Variants in HCN2 observed in about 807,000 individuals in gnomAD.
The protein encoded by HCN2 is potassium/sodium hyperpolarization-activated cyclic nucleotide-gated channel 2.
In HCN2, 20 loss-of-function variants were observed where a neutral mutation model predicts 52.3. The observed-to-expected ratio is 0.38, with a 90% CI of 0.27 to 0.56. HCN2 has a LOEUF of 0.56. HCN2 is among the 20% of genes least tolerant of loss of function. HCN2 has a pLI of 0.71. For missense variants in HCN2, 981 were observed against 1,207.7 expected (o/e 0.81, Z 2.78); for synonymous variants, 694 against 537.0 (o/e 1.29, Z -4.04).
At chr19:614,856 G>A (rs1272296414) in intron 7 of HCN2, among the ~76,000 whole-genome samples, 3 of 152,178 alleles carry the variant, frequency 2.0e-5, no homozygotes, top group East Asian at 3.8e-4. Flanking sequence ...CCTGATGACT[G>A]GATGTAGGCG....
intron 7 of HCN2, among the ~76,000 whole-genome samples, chr19:614,475 G>A (rs776490497): frequency 2.6e-5 from 4 of 152,164 alleles, no homozygotes; most frequent in Admixed American, 6.5e-5. Context: ...AGGTGGGGCC[G>A]GTGGGCTTCC....
rs1221130140 is a variant in HCN2, at chr19:591,579, G to A, written c.632+1002G>A. 6.6e-6 allele frequency among the ~76,000 whole-genome samples: 1 copy of A among 152,120 alleles called. No individual in the cohort carries two copies. The highest frequency in any genetic ancestry group is 2.4e-5 in the African/African-American group (1 of 41,430). ...CGTGTGTGTTTGTGTATCCACGAGT[G>A]GGGTGTGAGGTGGGGTGTGGAGGGT... On this transcript the variant is annotated intron_variant, in intron 1 of 7. Coordinates refer to ENST00000251287, the MANE Select transcript of HCN2 (RefSeq NM_001194.4). The surrounding 1 kb of genome is among the most constrained non-coding windows in gnomAD (Gnocchi z 4.1).
intron 5 of HCN2, among the ~76,000 whole-genome samples, chr19:612,417 TGTGTGTGTGTGA>T (rs1983678384): frequency 1.5e-5 from 2 of 129,094 alleles, no homozygotes; most frequent in Admixed American, 8.0e-5. Flanking sequence ...TGTGTGTGTG[TGTGTGTGTGTGA>T]GAGAGAGATG....
intron 1 of HCN2, among the ~76,000 whole-genome samples, chr19:601,580 G>A (rs138161453): frequency 5.3e-5 from 8 of 150,852 alleles, no homozygotes; most frequent in African/African-American, 2.0e-4. Flanking sequence ...GTTGTCGTCC[G>A]CAATCAAGCT....
intron 1 of HCN2, among the ~76,000 whole-genome samples, chr19:595,141 G>T (rs1048414323): frequency 6.6e-6 from 1 of 152,110 alleles, no homozygotes; most frequent in African/African-American, 2.4e-5. Flanking sequence ...GGTTGAGGCT[G>T]CAGTGAGCTA....
chr19:599,462 G>A (rs1366191039), intron 1 of HCN2, among the ~76,000 whole-genome samples: 1 of 152,110 alleles, frequency 6.6e-6, no homozygotes, highest in Non-Finnish European at 1.5e-5. Flanking sequence ...GATAGGGAGG[G>A]GCTGGGCCTG....
intron 1 of HCN2, among the ~76,000 whole-genome samples, chr19:595,657 GTCA>G (rs1422699721): frequency 6.6e-6 from 1 of 152,216 alleles, no homozygotes; most frequent in Non-Finnish European, 1.5e-5. Context: ...GGCCTGTGTG[GTCA>G]TCGTGTGCCC....
At position 608,322 on chromosome 19, in the gene HCN2, G is replaced by GCCTTGC. The variant is rs1311722690; in HGVS notation, c.1437+144_1437+149dup. ...TCCTGGGGTCTGAGGCTGGAGGGAG[G>GCCTTGC]CCTTGCCCTGGGGTCTGAGGGCGGA... On this transcript the variant is annotated intron_variant, in intron 4 of 7. Transcript: ENST00000251287. 3.9e-6 allele frequency: 3 copies of GCCTTGC among 770,652 alleles called. No individual in the cohort carries two copies. In the African/African-American group the frequency reaches 5.2e-5, roughly 13 times the overall value. 47.7% of individuals were successfully genotyped at this position (770,652 alleles called of 1,614,324 possible). A position where few individuals can be genotyped will look rare whatever the true frequency, so the allele number is the denominator to read the frequency against.
chr19:594,383 C>G (rs1982962101), intron 1 of HCN2, among the ~76,000 whole-genome samples: 1 of 145,852 alleles, frequency 6.9e-6, no homozygotes. Context: ...TGCCCTGTGG[C>G]CGCCCTGCCG....
intron 4 of HCN2, among the ~76,000 whole-genome samples, chr19:608,538 C>G (rs910760795): frequency 4.0e-5 from 6 of 150,762 alleles, no homozygotes; most frequent in East Asian, 2.0e-4. Context: ...GAGAGGTTCT[C>G]TGACCCTGTG....
chr19:613,219 G>A (rs1049883724), intron 5 of HCN2, 29 bp from the exon 6 acceptor site: 4 of 1,590,902 alleles, frequency 2.5e-6, no homozygotes, highest in African/African-American at 2.7e-5. Context: ...GGGGTCCGCA[G>A]CGGACCCAGC....
chr19:616,431 A>AC lies in HCN2; in HGVS notation c.2632dup (p.Gln878ProfsTer?). The AC allele has an allele frequency of 8.1e-7, 1 of 1,238,968 alleles. No homozygotes were observed. The highest frequency in any genetic ancestry group is 1.0e-6 in the Non-Finnish European group (1 of 988,646). The allele number at this position is 1,238,968 out of a possible 1,614,324, so 76.7% of individuals were successfully genotyped here. On this transcript the variant is annotated frameshift_variant, in exon 8 of 8. Transcript: ENST00000251287. LOFTEE classifies it low-confidence loss of function (END_TRUNC). ...TCACCCGGCGCCGCCGGCGGCCTGG[A>AC]CCCCCAGGACTCCGCGCGCTCGCGC...
intron 5 of HCN2, among the ~76,000 whole-genome samples, chr19:610,614 C>T (rs973087322): frequency 6.6e-6 from 1 of 152,208 alleles, no homozygotes; most frequent in Non-Finnish European, 1.5e-5. Flanking sequence ...TTGCTTCCCG[C>T]TGCCCCCTTA....
chr19:602,966 C>T (rs1983258584), intron 1 of HCN2, among the ~76,000 whole-genome samples: 1 of 94,462 alleles, frequency 1.1e-5, no homozygotes, highest in Admixed American at 1.1e-4. Context: ...AAGGCACCGG[C>T]CTGAGCTGTG....
chr19:590,577 G>T lies in HCN2; in HGVS notation c.632G>T (p.Arg211Met). Residue 211 changes from arginine to methionine, a missense_variant and splice_region_variant, in exon 1 of 8, where the codon AGG (arginine) becomes ATG (methionine). Arg to Met is a moderately conservative substitution (Grantham distance 91, BLOSUM62 -1). This residue lies in a region of HCN2 where 282 missense variants were observed against 553.8 expected (regional missense o/e 0.51). Transcript: ENST00000251287. This position sits in a 1 kb window ranked among gnomAD's most constrained non-coding sequence, Gnocchi z 7.2. The part of the protein sequence containing the change: ...AWIIHPYSDF[R>M]FYWDFTMLLF... Reference sequence around the variant, plus strand: ...ATCATCCACCCGTACAGCGACTTCAGGTACCGCCTCCGGGAGGGCCGGTCG... The same window carrying T: ...ATCATCCACCCGTACAGCGACTTCATGTACCGCCTCCGGGAGGGCCGGTCG... The T allele has an allele frequency of 7.0e-7, 1 of 1,423,526 alleles. No homozygotes were observed. The highest frequency in any genetic ancestry group is 9.3e-7 in the Non-Finnish European group (1 of 1,072,032). The allele number at this position is 1,423,526 out of a possible 1,614,324, so 88.2% of individuals were successfully genotyped here.
chr19:602,635 C>T (rs1024807833), intron 1 of HCN2, among the ~76,000 whole-genome samples: 6 of 152,208 alleles, frequency 3.9e-5, no homozygotes, highest in African/African-American at 7.2e-5. Context: ...CTGCTGCTTC[C>T]CAGTGCCCCT....
intron 1 of HCN2, among the ~76,000 whole-genome samples, chr19:598,238 T>C: frequency 6.6e-6 from 1 of 152,140 alleles, no homozygotes; most frequent in Admixed American, 6.5e-5. Context: ...CTTAAATTTC[T>C]AGTCCTTTTA....
At position 590,840 on chromosome 19, in the gene HCN2, G is replaced by C. The variant is rs915434018; in HGVS notation, c.632+263G>C. 2 of 250,436 alleles carry C rather than the reference G, an allele frequency of 8.0e-6. No individual in the cohort carries two copies. Among genetic ancestry groups the C allele is most frequent in the African/African-American group, 2.3e-5 (1 of 44,084 alleles). The allele number at this position is 250,436 out of a possible 1,614,324, so 15.5% of individuals were successfully genotyped here. A position where few individuals can be genotyped will look rare whatever the true frequency, so the allele number is the denominator to read the frequency against. The stretch of plus-strand genomic sequence containing the variant: ...CATCCTCCGCCCTGCGGCGCGGCGG[G>C]TGGGGTGGGCCGCAGGGCCAGGGTC... On this transcript the variant is annotated intron_variant, in intron 1 of 7. Coordinates refer to ENST00000251287, the MANE Select transcript of HCN2 (RefSeq NM_001194.4). The surrounding 1 kb of genome is among the most constrained non-coding windows in gnomAD (Gnocchi z 7.2).
intron 1 of HCN2, among the ~76,000 whole-genome samples, chr19:595,968 C>T (rs1273518993): frequency 6.6e-6 from 1 of 152,222 alleles, no homozygotes; most frequent in Admixed American, 6.5e-5. Flanking sequence ...CGTTCCCCAA[C>T]CCGGGACTCA....
Sources: gnomAD v4.1 joint callset for allele counts (sites outside exome capture counted in the v4.1 genomes callset) on GRCh38, gnomAD v4.1.1 for gene constraint, gnomAD v4.1.1 regional missense constraint, Gnocchi (gnomAD v3.1) non-coding constraint, MANE v1.5 for transcripts, NCBI Gene and HGNC (gene_info 2026-07-23, HGNC 2026-07-21) for gene names.